The following DNAH11 variants were observed in gnomAD, a reference collection of about 807,000 sequenced individuals.
DNAH11 encodes axonemal beta dynein heavy chain 11.
DNAH11 carries 442 observed loss-of-function variants against 526.0 expected under a neutral mutation model. The ratio of observed to expected loss-of-function variants is 0.84; its 90% confidence interval spans 0.78 to 0.91. DNAH11 has a LOEUF of 0.91. Ranked by LOEUF, DNAH11 falls within the 40% of genes least tolerant of loss-of-function variation. The pLI is 0.00. For synonymous variants in DNAH11, 2,461 were observed against 1,935.9 expected (o/e 1.27, Z -7.12); for missense variants, 6,989 against 5,448.7 (o/e 1.28, Z -8.90).
chr7:21,768,350 G>T (rs140693164), intron 55 of DNAH11, among the ~76,000 whole-genome samples: 1 of 152,364 alleles, frequency 6.6e-6, no homozygotes, highest in Non-Finnish European at 1.5e-5. Flanking sequence ...AGAAGCTGCG[G>T]TGTTGAAAAA....
At chr7:21,696,150 T>C (rs887888119) in intron 35 of DNAH11, among the ~76,000 whole-genome samples, 3 of 152,204 alleles carry the variant, frequency 2.0e-5, no homozygotes, top group African/African-American at 7.2e-5. Context: ...AAAATAATAT[T>C]CCACTTCACA....
chr7:21,727,532 T>C (rs147550433), intron 45 of DNAH11, among the ~76,000 whole-genome samples: 1 of 152,362 alleles, frequency 6.6e-6, no homozygotes, highest in African/African-American at 2.4e-5. Context: ...CACTGTTTCT[T>C]TTCATAGATT....
intron 30 of DNAH11, among the ~76,000 whole-genome samples, chr7:21,672,306 G>T (rs11761048): frequency 0.059 from 9,038 of 152,242 alleles, 385 homozygotes; most frequent in Non-Finnish European, 0.096. Context: ...TTTTCTAAGA[G>T]AGTGTGTCTC....
At chr7:21,701,741 C>G (rs1784070124) in intron 36 of DNAH11, among the ~76,000 whole-genome samples, 2 of 152,118 alleles carry the variant, frequency 1.3e-5, no homozygotes, top group Admixed American at 6.5e-5. Flanking sequence ...GTTTTACCGC[C>G]CACAAAAAAT....
intron 42 of DNAH11, 70 bp downstream of exon 42, chr7:21,711,930 T>C (rs1040915496): frequency 6.5e-7 from 1 of 1,533,118 alleles, no homozygotes; most frequent in African/African-American, 1.4e-5. Flanking sequence ...TCATAATTTT[T>C]GCTTAAGCAC....
intron 79 of DNAH11, among the ~76,000 whole-genome samples, 200 bp downstream of exon 79, chr7:21,895,199 G>C (rs1375221416): frequency 6.6e-6 from 1 of 152,218 alleles, no homozygotes; most frequent in East Asian, 1.9e-4. Flanking sequence ...AAAAGACAGG[G>C]TCAGAGCAAG....
rs1410458353 is a variant in DNAH11 at position 21,787,589 on chromosome 7, A to G, written c.9924+6A>G. 7 of 1,598,284 alleles carry G rather than the reference A, an allele frequency of 4.4e-6. No homozygotes were observed. The highest frequency in any genetic ancestry group is 2.2e-5 in the East Asian group (1 of 44,592). ...ACATCATTAAATTCTATGAGGTATCAATCCTAAATTGATTGTTTACAGATG... is the reference window on the plus strand; with the variant it reads ...ACATCATTAAATTCTATGAGGTATCGATCCTAAATTGATTGTTTACAGATG... On this transcript the variant is annotated splice_donor_region_variant and intron_variant, in intron 60 of 81. Transcript: ENST00000409508.
At chr7:21,597,883 C>T (rs1400590647) in intron 14 of DNAH11, among the ~76,000 whole-genome samples, 1 of 152,180 alleles carries the variant, frequency 6.6e-6, no homozygotes, top group African/African-American at 2.4e-5. Context: ...GCCAGGGCAG[C>T]TGTGTATACT....
intron 2 of DNAH11, 125 bp downstream of exon 2, chr7:21,545,274 T>TAAAAA (rs10634177): frequency 0.05 from 6,509 of 130,976 alleles, 411 homozygotes; most frequent in East Asian, 0.29. Flanking sequence ...TGGGGGTGGT[T>TAAAAA]AAAAAAAAAA....
chr7:21,592,527 G>T (rs1394040335), intron 14 of DNAH11, among the ~76,000 whole-genome samples: 1 of 152,188 alleles, frequency 6.6e-6, no homozygotes, highest in African/African-American at 2.4e-5. Flanking sequence ...AGGCTGTTAT[G>T]AGGACTTTGG....
At chr7:21,859,023 C>A (rs1458306800) in intron 68 of DNAH11, among the ~76,000 whole-genome samples, 1 of 152,134 alleles carries the variant, frequency 6.6e-6, no homozygotes, top group Admixed American at 6.5e-5. Flanking sequence ...ACCTCATGCA[C>A]TTTATGCACA....
intron 2 of DNAH11, among the ~76,000 whole-genome samples, chr7:21,550,225 G>A (rs184104411): frequency 5.3e-5 from 8 of 152,146 alleles, no homozygotes; most frequent in South Asian, 2.1e-4. Flanking sequence ...CTCAGTGGTC[G>A]GGAGCACTTG....
chr7:21,868,937 G>A lies in DNAH11; in HGVS notation c.11913G>A (p.Val3971=). 1 of 1,613,990 alleles carries A rather than the reference G, an allele frequency of 6.2e-7. No homozygotes were observed. Among genetic ancestry groups the A allele is most frequent in the Non-Finnish European group, 8.5e-7 (1 of 1,179,884 alleles). ...CTTTAGGACAAGGTCAGGAGACGGT[G>A]GCAGAAGTGGCCCTGGAGAAAGCTT... ...NVSLGQGQET[V]AEVALEKASK... Residue 3971 remains valine (V), a synonymous_variant, in exon 73 of 82, where the codon GTG becomes GTA. Transcript: ENST00000409508.
At chr7:21,596,676 A>G (rs894433352) in intron 14 of DNAH11, among the ~76,000 whole-genome samples, 3 of 152,254 alleles carry the variant, frequency 2.0e-5, no homozygotes, top group African/African-American at 7.2e-5. Context: ...TGGCCAAGAC[A>G]TGACTAGAAA....
intron 73 of DNAH11, among the ~76,000 whole-genome samples, chr7:21,870,096 T>A (rs1783438566): frequency 6.6e-6 from 1 of 152,214 alleles, no homozygotes; most frequent in Non-Finnish European, 1.5e-5. Flanking sequence ...GAGTCGTGAT[T>A]CTCTATATAA....
Position 21,690,901 on chromosome 7 carries a change from G to A in DNAH11, c.6041+20G>A. 1.3e-6 allele frequency: 2 copies of A among 1,575,426 alleles called. No individual in the cohort carries two copies. The highest frequency in any genetic ancestry group is 8.7e-7 in the Non-Finnish European group (1 of 1,148,302). On this transcript the variant is annotated intron_variant, in intron 35 of 81. Transcript: ENST00000409508. ...TTTCAGGCAAGTGTTATGCTTTGTG[G>A]CTTAGCATCTGGTGCACTCATGCCA...
At chr7:21,695,630 A>G (rs1452042418) in intron 35 of DNAH11, among the ~76,000 whole-genome samples, 1 of 152,248 alleles carries the variant, frequency 6.6e-6, no homozygotes, top group Non-Finnish European at 1.5e-5. Context: ...ACCTAAAACC[A>G]TAAAAGCCCT....
intron 61 of DNAH11, among the ~76,000 whole-genome samples, 168 bp downstream of exon 61, chr7:21,789,510 G>C (rs939541842): frequency 2.6e-5 from 4 of 151,968 alleles, no homozygotes; most frequent in African/African-American, 9.7e-5. Context: ...TTTCTTATCT[G>C]CTCTGTGGTA....
At chr7:21,842,783 G>A (rs749747600) in intron 66 of DNAH11, 35 bp downstream of exon 66, 201 of 1,540,152 alleles carry the variant, frequency 1.3e-4, no homozygotes, top group Non-Finnish European at 1.6e-4. Flanking sequence ...ACACTTAGTC[G>A]GCATTTGCTT....
Sources: gnomAD v4.1 joint callset for allele counts (sites outside exome capture counted in the v4.1 genomes callset) on GRCh38, gnomAD v4.1.1 for gene constraint, MANE v1.5 for transcripts, NCBI Gene and HGNC (gene_info 2026-07-23, HGNC 2026-07-21) for gene names.